ARL17A: variants seen among roughly 807,000 people sequenced by gnomAD.
ARL17A encodes the protein ADP-ribosylation factor-like 17-like.
chr17:46,575,124 T>C (rs1236029356), intron 2 of ARL17A, among the ~76,000 whole-genome samples: 2 of 103,826 alleles, frequency 1.9e-5, no homozygotes, highest in Non-Finnish European at 4.6e-5. Flanking sequence ...AAGTTGATCA[T>C]TTGAGTCCTG....
intron 3 of ARL17A, among the ~76,000 whole-genome samples, chr17:46,541,650 A>T (rs2055342234): frequency 6.6e-6 from 1 of 150,938 alleles, no homozygotes; most frequent in Non-Finnish European, 1.5e-5. Context: ...TCATCCATAG[A>T]TTCAACGAAC....
At chr17:46,534,819 C>A (rs1240789545) in intron 4 of ARL17A, among the ~76,000 whole-genome samples, 1 of 147,144 alleles carries the variant, frequency 6.8e-6, no homozygotes, top group South Asian at 2.1e-4. Context: ...GCTGGCCAGG[C>A]GGGGGCTGGC....
chr17:46,542,246 C>CT (rs2055463645), intron 3 of ARL17A, among the ~76,000 whole-genome samples: 1 of 143,944 alleles, frequency 6.9e-6, no homozygotes, highest in African/African-American at 2.7e-5. Context: ...CCTAAGAAAT[C>CT]TTTAAGAACC....
intron 3 of ARL17A, chr17:46,558,801 A>G (rs1158656192): frequency 5.8e-5 from 7 of 120,812 alleles, no homozygotes; most frequent in East Asian, 2.6e-4. Context: ...ACACTCCCCT[A>G]TATCAATCTC....
chr17:46,545,344 A>G (rs1225589894), intron 3 of ARL17A, among the ~76,000 whole-genome samples: 1 of 141,294 alleles, frequency 7.1e-6, no homozygotes, highest in Admixed American at 6.9e-5. Flanking sequence ...CCAGCTACTC[A>G]GGAGGCTGAA....
intron 4 of ARL17A, among the ~76,000 whole-genome samples, chr17:46,532,869 G>A (rs1180918752): frequency 2.7e-5 from 4 of 149,132 alleles, no homozygotes; most frequent in East Asian, 1.9e-4. Flanking sequence ...GGGAGGCTGC[G>A]GTGGGAGGAT....
chr17:46,551,258 C>T (rs2056784182), downstream of ARL17A, among the ~76,000 whole-genome samples: 1 of 149,448 alleles, frequency 6.7e-6, no homozygotes, highest in Non-Finnish European at 1.5e-5. Context: ...AGTGCCCATT[C>T]CTGGAGCTTG....
chr17:46,534,515 T>C (rs1205060189), intron 4 of ARL17A, among the ~76,000 whole-genome samples: 1 of 147,794 alleles, frequency 6.8e-6, no homozygotes, highest in Non-Finnish European at 1.5e-5. Context: ...GGGTTGGGGG[T>C]AAGGTCATAG....
At chr17:46,548,534 T>G, downstream of ARL17A, 1 of 1,429,980 alleles carries the variant, frequency 7.0e-7, no homozygotes, top group Non-Finnish European at 9.5e-7. Flanking sequence ...GCGGTAAACC[T>G]AGATGTGAAA....
At chr17:46,529,702 CAT>C (rs1023606363) in intron 4 of ARL17A, among the ~76,000 whole-genome samples, 3 of 74,540 alleles carry the variant, frequency 4.0e-5, no homozygotes, top group African/African-American at 1.1e-4. Context: ...ACACTCATAT[CAT>C]TTGGTTTGTG....
chr17:46,544,740 A>G (rs1354454465), intron 3 of ARL17A, among the ~76,000 whole-genome samples: 3 of 95,242 alleles, frequency 3.1e-5, no homozygotes, highest in South Asian at 3.1e-4. Flanking sequence ...AGTGCCCCCA[A>G]TAAGCCACAA....
chr17:46,533,630 T>C (rs1355019299), intron 4 of ARL17A, among the ~76,000 whole-genome samples: 4 of 70,064 alleles, frequency 5.7e-5, no homozygotes, highest in Non-Finnish European at 9.3e-5. Context: ...GCCTCCTGAG[T>C]AGCTGGGACT....
At chr17:46,516,539 A>C (rs1205293098), downstream of ARL17A, among the ~76,000 whole-genome samples, 2 of 146,872 alleles carry the variant, frequency 1.4e-5, no homozygotes, top group Admixed American at 6.8e-5. Context: ...GCATGGCTAC[A>C]GGTATGGTTG....
At chr17:46,558,926 C>T (rs1194227678) in intron 3 of ARL17A, 1 of 107,136 alleles carries the variant, frequency 9.3e-6, no homozygotes, top group Non-Finnish European at 1.8e-5. Context: ...GATCCTCCCG[C>T]CTTGGTCTCT....
the ARL17A span, among the ~76,000 whole-genome samples, chr17:46,502,793 C>G: frequency 4.0e-4 from 60 of 151,242 alleles, 5 homozygotes; most frequent in African/African-American, 1.4e-3. Flanking sequence ...CAATGTTATC[C>G]AAGGTGACAA....
intron 4 of ARL17A, among the ~76,000 whole-genome samples, chr17:46,531,792 C>G (rs1157702091): frequency 1.1e-5 from 1 of 92,052 alleles, no homozygotes; most frequent in Non-Finnish European, 1.9e-5. Flanking sequence ...TGTCAGGCTG[C>G]CTTCAGCTAG....
intron 2 of ARL17A, among the ~76,000 whole-genome samples, chr17:46,573,299 G>A (rs2057708551): frequency 3.7e-5 from 1 of 26,902 alleles, no homozygotes; most frequent in Non-Finnish European, 8.6e-5. Flanking sequence ...AAACAAGTAA[G>A]CATAACCAGG....
chr17:46,546,022 A>G (rs1388306861), intron 3 of ARL17A, among the ~76,000 whole-genome samples: 3 of 149,686 alleles, frequency 2.0e-5, no homozygotes, highest in African/African-American at 7.5e-5. Context: ...CTGTCACCCA[A>G]TTCTAATCCC....
the ARL17A span, among the ~76,000 whole-genome samples, chr17:46,501,612 A>G: frequency 3.3e-5 from 5 of 151,268 alleles, no homozygotes; most frequent in Admixed American, 3.3e-4. Flanking sequence ...TTCAGTTCTC[A>G]GAGGATGGAA....
Sources: allele counts gnomAD v4.1 joint callset (sites outside exome capture counted in the v4.1 genomes callset), GRCh38; gene constraint gnomAD v4.1.1; transcripts MANE v1.5; gene names NCBI Gene and HGNC (gene_info 2026-07-23, HGNC 2026-07-21).